The following RBPJ variants were observed in gnomAD, a reference collection of about 807,000 sequenced individuals.
RBPJ encodes recombination signal binding protein for immunoglobulin kappa J region, also known as recombining binding protein suppressor of hairless.
A neutral mutation model predicts 67.8 loss-of-function variants in RBPJ; 9 were observed. That is an observed-to-expected ratio of 0.13 (90% CI 0.08 to 0.23). The LOEUF is 0.23. Ranked by LOEUF, RBPJ falls within the 10% of genes least tolerant of loss-of-function variation. RBPJ has a pLI of 1.00. For missense variants in RBPJ, 305 were observed against 595.6 expected (o/e 0.51, Z 5.08); for synonymous variants, 198 against 203.3 (o/e 0.97, Z 0.22).
At chr4:26,172,368 G>T (rs1267083383) in intron 1 of RBPJ, among the ~76,000 whole-genome samples, 1 of 152,158 alleles carries the variant, frequency 6.6e-6, no homozygotes, top group East Asian at 1.9e-4. Flanking sequence ...GGCAGAGGAA[G>T]GGGAAAAGCT....
chr4:26,399,780 G>A (rs1732576037), intron 2 of RBPJ, among the ~76,000 whole-genome samples: 1 of 152,008 alleles, frequency 6.6e-6, no homozygotes, highest in Admixed American at 6.6e-5. Context: ...CCGCCTCCTG[G>A]GTTCAAGCAA....
chr4:26,331,713 C>G (rs772694189), intron 1 of RBPJ, among the ~76,000 whole-genome samples: 4 of 152,236 alleles, frequency 2.6e-5, no homozygotes, highest in Non-Finnish European at 5.9e-5. Context: ...TCCTTATCCA[C>G]TCTGCTTCAG....
intron 1 of RBPJ, among the ~76,000 whole-genome samples, chr4:26,272,432 G>A (rs1328010467): frequency 6.6e-6 from 1 of 152,004 alleles, no homozygotes; most frequent in Non-Finnish European, 1.5e-5. Flanking sequence ...TTAGTCAGGT[G>A]TGGTGACACA....
chr4:26,132,595 C>G, the RBPJ span, among the ~76,000 whole-genome samples: 1 of 152,202 alleles, frequency 6.6e-6, no homozygotes, highest in South Asian at 2.1e-4. Context: ...CTGTACCTCT[C>G]TCTCTGCCCC....
intron 1 of RBPJ, among the ~76,000 whole-genome samples, chr4:26,380,523 A>G (rs1321344926): frequency 2.6e-5 from 4 of 152,180 alleles, no homozygotes; most frequent in African/African-American, 9.7e-5. Context: ...TCTTAGTATC[A>G]TTTAACTTTT....
At chr4:26,215,371 G>A (rs1346080395) in intron 1 of RBPJ, among the ~76,000 whole-genome samples, 1 of 95,862 alleles carries the variant, frequency 1.0e-5, no homozygotes, top group Non-Finnish European at 2.0e-5. Flanking sequence ...AGGAAGGAAG[G>A]AAGAAGGGAG....
intron 1 of RBPJ, among the ~76,000 whole-genome samples, chr4:26,207,764 G>T (rs1193496895): frequency 6.6e-6 from 1 of 152,144 alleles, no homozygotes; most frequent in East Asian, 1.9e-4. Context: ...ATATTTATAT[G>T]TCATCACAGA....
At chr4:26,207,167 A>G (rs112079130) in intron 1 of RBPJ, among the ~76,000 whole-genome samples, 4 of 152,290 alleles carry the variant, frequency 2.6e-5, no homozygotes, top group African/African-American at 9.6e-5. Context: ...AAACCTTAGC[A>G]AATAAATGGT....
At chr4:26,141,588 G>A in the RBPJ span, among the ~76,000 whole-genome samples, 2 of 152,360 alleles carry the variant, frequency 1.3e-5, no homozygotes, top group African/African-American at 4.8e-5. Flanking sequence ...CAACGTATGA[G>A]GATCAGATCA....
chr4:26,397,770 A>T (rs1732290235), intron 2 of RBPJ, among the ~76,000 whole-genome samples: 1 of 152,156 alleles, frequency 6.6e-6, no homozygotes, highest in African/African-American at 2.4e-5. Context: ...GGTAGCTGGG[A>T]TTACAGGCGT....
chr4:26,132,976 G>A, the RBPJ span, among the ~76,000 whole-genome samples: 1 of 152,104 alleles, frequency 6.6e-6, no homozygotes, highest in Non-Finnish European at 1.5e-5. Flanking sequence ...GAAAAGCCAA[G>A]AGCCACCTCC....
At chr4:26,229,653 A>G (rs1400899757) in intron 1 of RBPJ, among the ~76,000 whole-genome samples, 1 of 152,176 alleles carries the variant, frequency 6.6e-6, no homozygotes, top group Non-Finnish European at 1.5e-5. Flanking sequence ...CATCTCTGCC[A>G]CTTACTGGCT....
At chr4:26,329,213 G>C (rs1723976448) in intron 1 of RBPJ, among the ~76,000 whole-genome samples, 1 of 152,032 alleles carries the variant, frequency 6.6e-6, no homozygotes, top group Non-Finnish European at 1.5e-5. Flanking sequence ...GACTGGTCTC[G>C]AACTCCTGAC....
rs559904356 is a variant in RBPJ at position 26,169,847 on chromosome 4, C to A, written c.-167+6233C>A. Among the ~76,000 whole-genome samples the A allele has an allele frequency of 1.4e-4, 22 of 152,290 alleles. No homozygotes were observed. The South Asian group carries it at 4.3e-3, about 30-fold the overall frequency. On this transcript the variant is annotated intron_variant, in intron 1 of 4. Transcript: ENST00000512351. ...CTCAGACTGCTGTGCTAGCAATCAG[C>A]GAGACTCCGTGGGCGTAGGACCCTC...
upstream of RBPJ, among the ~76,000 whole-genome samples, chr4:26,158,688 C>A (rs12650853): frequency 0.45 from 69,128 of 151,986 alleles, 15,892 homozygotes; most frequent in Non-Finnish European, 0.5. Context: ...GCAGACCTGG[C>A]AATGAAAGAG....
chr4:26,361,991 C>T (rs1046163591), intron 1 of RBPJ, among the ~76,000 whole-genome samples: 2 of 152,072 alleles, frequency 1.3e-5, no homozygotes, highest in Non-Finnish European at 1.5e-5. Flanking sequence ...AGTTTAATGA[C>T]GTCCATGGAA....
chr4:26,217,830 C>G (rs1718767238), intron 1 of RBPJ, among the ~76,000 whole-genome samples: 1 of 152,184 alleles, frequency 6.6e-6, no homozygotes, highest in South Asian at 2.1e-4. Flanking sequence ...CAGAGTCAGA[C>G]CTGGGTTTGG....
chr4:26,291,695 G>C (rs913688187), intron 1 of RBPJ, among the ~76,000 whole-genome samples: 1 of 150,024 alleles, frequency 6.7e-6, no homozygotes, highest in Non-Finnish European at 1.5e-5. Flanking sequence ...TCCTGCCTCA[G>C]CCTCCTGAGT....
chr4:26,251,631 CAAAAAAA>C (rs763009793), intron 1 of RBPJ, among the ~76,000 whole-genome samples: 2 of 99,712 alleles, frequency 2.0e-5, no homozygotes, highest in African/African-American at 7.2e-5. Flanking sequence ...GACTCTTTCT[CAAAAAAA>C]AAAAAAAAAA....
Sources: allele counts gnomAD v4.1 joint callset (sites outside exome capture counted in the v4.1 genomes callset), GRCh38; gene constraint gnomAD v4.1.1; transcripts MANE v1.5; gene names NCBI Gene and HGNC (gene_info 2026-07-23, HGNC 2026-07-21).